HTRA1: variants seen among roughly 807,000 people sequenced by gnomAD.
HTRA1 encodes HtrA serine peptidase 1, also known as serine protease HTRA1.
In HTRA1, 26 loss-of-function variants were observed where a neutral mutation model predicts 49.7. That is an observed-to-expected ratio of 0.52 (90% CI 0.38 to 0.73). HTRA1 has a LOEUF of 0.73. Ranked by LOEUF, HTRA1 falls within the 30% of genes least tolerant of loss-of-function variation. HTRA1 has a pLI of 0.00. For synonymous variants in HTRA1, 291 were observed against 286.9 expected (o/e 1.01, Z -0.14); for missense variants, 561 against 667.2 (o/e 0.84, Z 1.75).
chr10:122,514,063 G>T, intron 8 of HTRA1, 128 bp from the exon 9 acceptor site: 1 of 937,752 alleles, frequency 1.1e-6, no homozygotes. Flanking sequence ...ATTATTCTAA[G>T]TTCGCCACCG....
intron 1 of HTRA1, among the ~76,000 whole-genome samples, chr10:122,483,144 C>T (rs1027750767): frequency 1.1e-4 from 16 of 152,106 alleles, no homozygotes; most frequent in Admixed American, 8.5e-4. Flanking sequence ...ATCTACACTG[C>T]CTACGTCTGT....
chr10:122,508,170 T>C (rs2097504001), intron 5 of HTRA1, among the ~76,000 whole-genome samples: 1 of 152,144 alleles, frequency 6.6e-6, no homozygotes, highest in Non-Finnish European at 1.5e-5. Context: ...CCCAGCTCTG[T>C]CCTCTGCCTC....
At position 122,471,997 on chromosome 10, in the gene HTRA1, C is replaced by T. The variant is rs527329342; in HGVS notation, c.472+9873C>T. On this transcript the variant is annotated intron_variant, in intron 1 of 8. Coordinates refer to ENST00000368984, the MANE Select transcript of HTRA1 (RefSeq NM_002775.5). Reference sequence around the variant, plus strand: ...TCATCCGATGACTGATGTCTCCCTTCAAGAGTTATAAGCACATATAAATGC... The same window carrying T: ...TCATCCGATGACTGATGTCTCCCTTTAAGAGTTATAAGCACATATAAATGC... 5.3e-5 allele frequency among the ~76,000 whole-genome samples: 8 copies of T among 152,286 alleles called. No homozygotes were observed. In the South Asian group the frequency reaches 1.7e-3, roughly 32 times the overall value.
chr10:122,502,277 C>A (rs1350657095), intron 3 of HTRA1, among the ~76,000 whole-genome samples: 1 of 152,120 alleles, frequency 6.6e-6, no homozygotes, highest in Non-Finnish European at 1.5e-5. Flanking sequence ...TTCACGGAGG[C>A]AATGTTTTGT....
intron 6 of HTRA1, among the ~76,000 whole-genome samples, chr10:122,509,025 T>C (rs1443592227): frequency 6.6e-6 from 1 of 152,266 alleles, no homozygotes; most frequent in East Asian, 1.9e-4. Flanking sequence ...AGGTGACTTG[T>C]GTACATTATT....
chr10:122,509,683 G>T (rs2097504728), intron 6 of HTRA1, among the ~76,000 whole-genome samples: 1 of 152,220 alleles, frequency 6.6e-6, no homozygotes, highest in Non-Finnish European at 1.5e-5. Context: ...TGGCTGCGGG[G>T]AGTCTGCTGG....
intron 1 of HTRA1, among the ~76,000 whole-genome samples, chr10:122,476,028 CTTCT>C (rs2097488308): frequency 6.6e-6 from 1 of 152,206 alleles, no homozygotes; most frequent in African/African-American, 2.4e-5. Flanking sequence ...GTCATATATG[CTTCT>C]TTTTCTTTTC....
At chr10:122,497,851 A>T (rs1469579776) in intron 3 of HTRA1, among the ~76,000 whole-genome samples, 2 of 152,192 alleles carry the variant, frequency 1.3e-5, no homozygotes, top group Non-Finnish European at 2.9e-5. Context: ...GCCACTCTGA[A>T]GTTGGTGGAT....
chr10:122,471,035 G>A (rs2097485897), intron 1 of HTRA1, among the ~76,000 whole-genome samples: 3 of 152,118 alleles, frequency 2.0e-5, no homozygotes, highest in Admixed American at 2.0e-4. Flanking sequence ...ATTATACCAA[G>A]CAAACAGCCG....
In HTRA1 at chr10:122,506,897, TC is replaced by T. The variant is rs773814892; in HGVS notation, c.972+15del. ...ACGCCATCATCAACGTGAGCCTCTG[TC>T]CCTCTGCGGGTGGGGATTGGGGCAG... On this transcript the variant is annotated intron_variant, in intron 4 of 8. Coordinates refer to ENST00000368984, the MANE Select transcript of HTRA1 (RefSeq NM_002775.5). This position sits in a 1 kb window ranked among gnomAD's most constrained non-coding sequence, Gnocchi z 5.2. 42 of 1,611,976 alleles carry T rather than the reference TC, an allele frequency of 2.6e-5. No homozygotes were observed. Among genetic ancestry groups the T allele is most frequent in the Non-Finnish European group, 3.4e-5 (40 of 1,179,108 alleles).
chr10:122,504,120 C>T (rs934403553), intron 3 of HTRA1, among the ~76,000 whole-genome samples: 4 of 152,144 alleles, frequency 2.6e-5, no homozygotes, highest in Non-Finnish European at 4.4e-5. Flanking sequence ...TGGCCCTCCC[C>T]GGGAGCATGG....
At chr10:122,503,599 TG>T (rs1387466187) in intron 3 of HTRA1, among the ~76,000 whole-genome samples, 2 of 152,230 alleles carry the variant, frequency 1.3e-5, no homozygotes, top group Non-Finnish European at 2.9e-5. Context: ...GTCTGACAGC[TG>T]GGAAGCTTGT....
intron 6 of HTRA1, among the ~76,000 whole-genome samples, 164 bp from the exon 7 acceptor site, chr10:122,509,932 G>T (rs1380961426): frequency 2.6e-5 from 4 of 152,156 alleles, no homozygotes; most frequent in African/African-American, 9.7e-5. Flanking sequence ...CTTTCCCAAG[G>T]TCCCCCAGAG....
At chr10:122,473,268 G>A (rs908406206) in intron 1 of HTRA1, among the ~76,000 whole-genome samples, 38 of 152,114 alleles carry the variant, frequency 2.5e-4, no homozygotes, top group African/African-American at 8.2e-4. Flanking sequence ...CGTGTCTCAG[G>A]CGAGCAGCCT....
chr10:122,508,824 G>C, intron 6 of HTRA1, 54 bp downstream of exon 6: 1 of 1,079,484 alleles, frequency 9.3e-7, no homozygotes, highest in South Asian at 1.2e-5. Flanking sequence ...CTGAAGCTCA[G>C]CTGCCCTTTG....
chr10:122,504,711 C>T (rs2097502330), intron 3 of HTRA1, among the ~76,000 whole-genome samples: 1 of 152,256 alleles, frequency 6.6e-6, no homozygotes, highest in South Asian at 2.1e-4. Context: ...CCTGCCCCGC[C>T]TGCACGCCAT....
Position 122,506,662 on chromosome 10 carries a change from C to A in HTRA1, c.778-29C>A. The stretch of plus-strand genomic sequence containing the variant: ...TACCTATTTGGTTAAATTAAACCAA[C>A]TCAGCAACGCCAGCCATTGTGGTTT... On this transcript the variant is annotated intron_variant, in intron 3 of 8. Transcript: ENST00000368984. This position sits in a 1 kb window ranked among gnomAD's most constrained non-coding sequence, Gnocchi z 5.2. 6.2e-7 allele frequency: 1 copy of A among 1,601,240 alleles called. No homozygotes were observed.
At position 122,487,689 on chromosome 10, in the gene HTRA1, C is replaced by T. The variant is rs1173458775; in HGVS notation, c.473-1213C>T. The stretch of plus-strand genomic sequence containing the variant: ...ACTGTGGGAATGTTACAGAGTGTGC[C>T]TACGCAAACCTAGATGGCAGAGCCC... On this transcript the variant is annotated intron_variant, in intron 1 of 8. Transcript: ENST00000368984. This position sits in a 1 kb window ranked among gnomAD's most constrained non-coding sequence, Gnocchi z 4.8. Among the ~76,000 whole-genome samples the T allele has an allele frequency of 6.6e-6, 1 of 152,072 alleles. No homozygotes were observed. Among genetic ancestry groups the T allele is most frequent in the Non-Finnish European group, 1.5e-5 (1 of 68,022 alleles).
At chr10:122,484,354 G>C (rs980890210) in intron 1 of HTRA1, among the ~76,000 whole-genome samples, 1 of 152,160 alleles carries the variant, frequency 6.6e-6, no homozygotes, top group African/African-American at 2.4e-5. Flanking sequence ...TGTCTGTGGG[G>C]TACCCTTGTA....
Sources: gnomAD v4.1 joint callset for allele counts (sites outside exome capture counted in the v4.1 genomes callset) on GRCh38, gnomAD v4.1.1 for gene constraint, Gnocchi (gnomAD v3.1) non-coding constraint, MANE v1.5 for transcripts, NCBI Gene and HGNC (gene_info 2026-07-23, HGNC 2026-07-21) for gene names.